Variants in MED12L observed in about 807,000 individuals in gnomAD.
The protein encoded by MED12L is mediator complex subunit 12L, also known as mediator of RNA polymerase II transcription subunit 12-like protein.
In MED12L, 60 loss-of-function variants were observed where a neutral mutation model predicts 281.3. The observed-to-expected ratio is 0.21, with a 90% confidence interval of 0.17 to 0.26. MED12L has a LOEUF of 0.26. Ranked by LOEUF, MED12L falls within the 10% of genes least tolerant of loss-of-function variation. MED12L has a pLI of 1.00. For synonymous variants in MED12L, 974 were observed against 987.2 expected, an observed-to-expected ratio of 0.99 and a Z score of 0.25; for missense variants, 2,146 against 2,680.9, an observed-to-expected ratio of 0.80 and a Z score of 4.41.
intron 7 of MED12L, among the ~76,000 whole-genome samples, chr3:151,159,247 C>T (rs1719684006): frequency 6.6e-6 from 1 of 152,132 alleles, no homozygotes; most frequent in Admixed American, 6.5e-5. Flanking sequence ...TTTGATGTAT[C>T]TAGATGAGAT....
chr3:151,102,232 G>A (rs765879969), intron 2 of MED12L, among the ~76,000 whole-genome samples: 3 of 152,074 alleles, frequency 2.0e-5, no homozygotes, highest in African/African-American at 4.8e-5. Context: ...TGACCTCCTT[G>A]TGGGCTGCTT....
chr3:151,374,300 C>A (rs1756554659), intron 27 of MED12L, among the ~76,000 whole-genome samples: 1 of 152,210 alleles, frequency 6.6e-6, no homozygotes, highest in Non-Finnish European at 1.5e-5. Flanking sequence ...GTAATCCCAG[C>A]ACTTTGGGAG....
Position 151,376,254 on chromosome 3 carries a change from T to C in MED12L, c.4053+40T>C, listed in dbSNP as rs774967617. On this transcript the variant is annotated intron_variant, in intron 28 of 44. Transcript: ENST00000687756. ...GATTGTGTTTCTGTCATTTGATAAA[T>C]TCTTCGTAATAATAAAAAGAGTTAC... 8 of 1,335,014 alleles carry C rather than the reference T, an allele frequency of 6.0e-6. No homozygotes were observed. In the South Asian group the frequency reaches 1.8e-4, roughly 31 times the overall value. 82.7% of individuals were successfully genotyped at this position (1,335,014 alleles called of 1,614,324 possible).
chr3:151,378,256 T>A, intron 31 of MED12L, 83 bp downstream of exon 31: 4 of 1,333,784 alleles, frequency 3.0e-6, no homozygotes, highest in Non-Finnish European at 4.0e-6. Context: ...GTGTGGTCAC[T>A]GTACCCACAG....
chr3:151,219,386 A>G (rs974248519), intron 16 of MED12L: 6 of 152,334 alleles, frequency 3.9e-5, no homozygotes, highest in Non-Finnish European at 7.4e-5. Context: ...ATTATATACC[A>G]TGACCTATTT....
chr3:151,116,837 A>G (rs1477289921), intron 3 of MED12L, among the ~76,000 whole-genome samples: 1 of 152,216 alleles, frequency 6.6e-6, no homozygotes, highest in African/African-American at 2.4e-5. Flanking sequence ...GCATCATACC[A>G]GGAGACACAC....
chr3:151,359,348 C>G (rs1560073997), intron 20 of MED12L, among the ~76,000 whole-genome samples: 1 of 152,084 alleles, frequency 6.6e-6, no homozygotes, highest in Admixed American at 6.6e-5. Context: ...TTGTGTGACA[C>G]TTTTGTTCTA....
intron 17 of MED12L, among the ~76,000 whole-genome samples, chr3:151,350,792 T>C (rs1753132762): frequency 2.6e-5 from 4 of 152,244 alleles, no homozygotes; most frequent in Admixed American, 2.6e-4. Context: ...TTAGTTGAAA[T>C]GCTCTTTCCT....
chr3:151,372,838 A>G, intron 27 of MED12L, 72 bp downstream of exon 27: 1 of 1,255,164 alleles, frequency 8.0e-7, no homozygotes, highest in Non-Finnish European at 1.1e-6. Context: ...TTACACTTAT[A>G]GGAAACTTGT....
intron 44 of MED12L, among the ~76,000 whole-genome samples, chr3:151,432,399 GCTGA>G (rs1237571969): frequency 6.6e-6 from 1 of 152,192 alleles, no homozygotes; most frequent in Non-Finnish European, 1.5e-5. Flanking sequence ...AAGTAGAATT[GCTGA>G]CTTTCATAAG....
At chr3:151,188,839 G>T (rs1723598330) in intron 13 of MED12L, among the ~76,000 whole-genome samples, 1 of 152,154 alleles carries the variant, frequency 6.6e-6, no homozygotes, top group Non-Finnish European at 1.5e-5. Context: ...GGAGTAGGGG[G>T]GAATCAAGCA....
intron 11 of MED12L, among the ~76,000 whole-genome samples, chr3:151,170,243 C>A (rs75639577): frequency 0.019 from 2,850 of 151,926 alleles, 67 homozygotes; most frequent in East Asian, 0.13. Context: ...TTCACTGATT[C>A]CACATGGAAT....
chr3:151,213,669 G>A (rs886590622), intron 16 of MED12L: 9 of 1,613,948 alleles, frequency 5.6e-6, no homozygotes, highest in Non-Finnish European at 7.6e-6. Flanking sequence ...ACTTAAGGTG[G>A]GACTTAAAGA....
rs376377082 is a variant in MED12L at position 151,182,524 on chromosome 3, G to C, written c.1495-2806G>C. Among the ~76,000 whole-genome samples the C allele has an allele frequency of 6.1e-4, 93 of 152,286 alleles. No individual in the cohort carries two copies. In the Middle Eastern group the frequency reaches 0.014, roughly 22 times the overall value. ...GCCTCTGGTCAGCCTGAATCCTCCA[G>C]ATTTTAGGGCAGATAAGGGGCTGCT... is the stretch of plus-strand genomic sequence containing the variant. On this transcript the variant is annotated intron_variant, in intron 11 of 44. Coordinates refer to ENST00000687756, the MANE Select transcript of MED12L (RefSeq NM_001393769.1).
intron 16 of MED12L, among the ~76,000 whole-genome samples, chr3:151,335,311 C>G (rs568001352): frequency 2.0e-5 from 3 of 152,256 alleles, no homozygotes; most frequent in Non-Finnish European, 4.4e-5. Context: ...TGTCATTCTA[C>G]TCTCATAAAT....
intron 2 of MED12L, among the ~76,000 whole-genome samples, chr3:151,107,895 A>G (rs1054362381): frequency 6.9e-4 from 105 of 152,254 alleles, no homozygotes; most frequent in African/African-American, 2.5e-3. Flanking sequence ...TGTGACTCGC[A>G]CACTTAGAAT....
chr3:151,303,776 AAAC>A (rs1275775261), intron 16 of MED12L, among the ~76,000 whole-genome samples: 6 of 149,320 alleles, frequency 4.0e-5, no homozygotes, highest in Non-Finnish European at 1.5e-5. Context: ...ACAAACAAAC[AAAC>A]AAAAAACCCA....
Position 151,276,384 on chromosome 3 carries a change from C to G in MED12L, c.2251-73675C>G, listed in dbSNP as rs182228238. ...ATATAATTTTCAATTAAAGGAAACA[C>G]TCCTTATTGTCCATCATCCTCCACT... On this transcript the variant is annotated intron_variant, in intron 16 of 44. Coordinates refer to ENST00000687756, the MANE Select transcript of MED12L (RefSeq NM_001393769.1). 6.5e-3 allele frequency among the ~76,000 whole-genome samples: 984 copies of G among 152,350 alleles called. 7 individuals are homozygous for G. The highest frequency in any genetic ancestry group is 0.014 in the South Asian group (67 of 4,828).
intron 8 of MED12L, 75 bp downstream of exon 8, chr3:151,160,176 A>G (rs1719801535): frequency 2.2e-6 from 3 of 1,374,742 alleles, no homozygotes; most frequent in Non-Finnish European, 3.0e-6. Flanking sequence ...GGCATTTTCA[A>G]TTCTCTAGTT....
Sources: allele counts gnomAD v4.1 joint callset (sites outside exome capture counted in the v4.1 genomes callset), GRCh38; gene constraint gnomAD v4.1.1; transcripts MANE v1.5; gene names NCBI Gene and HGNC (gene_info 2026-07-23, HGNC 2026-07-21).